The following ZNF475 variants were observed in gnomAD, a reference collection of about 807,000 sequenced individuals.
ZNF475 encodes zinc finger protein 475.
chr5:122,179,772 T>G, the ZNF475 span: 1 of 1,350,144 alleles, frequency 7.4e-7, no homozygotes, highest in Non-Finnish European at 9.7e-7. Flanking sequence ...AAGGGGAGAC[T>G]TTTCTCTCTA....
At chr5:122,162,801 A>G in the ZNF475 span, among the ~76,000 whole-genome samples, 1 of 152,166 alleles carries the variant, frequency 6.6e-6, no homozygotes, top group Non-Finnish European at 1.5e-5. Flanking sequence ...CTGAAAACCT[A>G]TCTGGGAGAA....
At chr5:122,171,287 AT>A in the ZNF475 span, among the ~76,000 whole-genome samples, 1 of 152,192 alleles carries the variant, frequency 6.6e-6, no homozygotes, top group African/African-American at 2.4e-5. Flanking sequence ...TATTATAAAA[AT>A]GATACAAATT....
the ZNF475 span, among the ~76,000 whole-genome samples, chr5:122,168,654 A>G: frequency 3.9e-5 from 6 of 152,336 alleles, no homozygotes; most frequent in African/African-American, 1.4e-4. Context: ...CAGAACTTGC[A>G]GTGAGCCGAG....
the ZNF475 span, among the ~76,000 whole-genome samples, chr5:122,176,767 T>G: frequency 6.6e-6 from 1 of 152,202 alleles, no homozygotes; most frequent in African/African-American, 2.4e-5. Context: ...GTACTATTGA[T>G]CTATGTTCAA....
chr5:122,162,471 C>T, the ZNF475 span: 1 of 152,204 alleles, frequency 6.6e-6, no homozygotes, highest in Non-Finnish European at 1.5e-5. Context: ...TGGGAATGAA[C>T]TATGCATTTA....
At chr5:122,162,908 C>T in the ZNF475 span, 1 of 152,132 alleles carries the variant, frequency 6.6e-6, no homozygotes, top group Non-Finnish European at 1.5e-5. Flanking sequence ...CAATGGCTGA[C>T]TCTGGACTTG....
At chr5:122,173,744 A>G in the ZNF475 span, among the ~76,000 whole-genome samples, 164 of 152,368 alleles carry the variant, frequency 1.1e-3, no homozygotes, top group African/African-American at 3.7e-3. Flanking sequence ...TATCTAGCCT[A>G]AATCAACTTT....
the ZNF475 span, among the ~76,000 whole-genome samples, chr5:122,167,398 T>C: frequency 6.6e-6 from 1 of 152,250 alleles, no homozygotes; most frequent in Non-Finnish European, 1.5e-5. Context: ...GTCTTTTTAT[T>C]TGTTTTCTTT....
chr5:122,161,914 C>T, the ZNF475 span, among the ~76,000 whole-genome samples: 42 of 152,158 alleles, frequency 2.8e-4, no homozygotes, highest in Non-Finnish European at 5.7e-4. Context: ...CCTTCACCTT[C>T]CAACTATGTT....
chr5:122,166,125 T>C, the ZNF475 span, among the ~76,000 whole-genome samples: 920 of 152,240 alleles, frequency 6.0e-3, 10 homozygotes, highest in African/African-American at 0.021. Context: ...AAGAAAATAA[T>C]TGTAGGCTGG....
At chr5:122,174,520 A>G in the ZNF475 span, among the ~76,000 whole-genome samples, 3 of 152,248 alleles carry the variant, frequency 2.0e-5, no homozygotes, top group East Asian at 1.9e-4. Flanking sequence ...TGCAGGTTCA[A>G]CTGAAGTTCA....
the ZNF475 span, among the ~76,000 whole-genome samples, chr5:122,170,800 T>C: frequency 6.6e-6 from 1 of 152,188 alleles, no homozygotes; most frequent in East Asian, 1.9e-4. Flanking sequence ...CCAGCCCGAA[T>C]CTTAAAGCTG....
the ZNF475 span, among the ~76,000 whole-genome samples, chr5:122,165,417 A>T: frequency 7.9e-5 from 12 of 152,338 alleles, no homozygotes; most frequent in East Asian, 1.3e-3. Flanking sequence ...TTCTAGGCCC[A>T]GTTGTGAGAC....
the ZNF475 span, among the ~76,000 whole-genome samples, chr5:122,170,146 TA>T: frequency 3.3e-5 from 5 of 152,242 alleles, no homozygotes; most frequent in African/African-American, 1.2e-4. Flanking sequence ...ATTTTGTATT[TA>T]AAAGGAAAAC....
At chr5:122,176,742 G>A in the ZNF475 span, among the ~76,000 whole-genome samples, 1 of 152,248 alleles carries the variant, frequency 6.6e-6, no homozygotes, top group African/African-American at 2.4e-5. Context: ...TTTGGAGCTT[G>A]GAGGCTTTTT....
chr5:122,165,797 T>A, the ZNF475 span, among the ~76,000 whole-genome samples: 7 of 151,986 alleles, frequency 4.6e-5, no homozygotes, highest in Middle Eastern at 3.2e-3. Flanking sequence ...TTTCTGCATT[T>A]AAAAAAATAT....
chr5:122,170,578 C>A, the ZNF475 span, among the ~76,000 whole-genome samples: 1 of 152,174 alleles, frequency 6.6e-6, no homozygotes, highest in East Asian at 1.9e-4. Flanking sequence ...GGGGTCACCA[C>A]ACTCCCAGCA....
At chr5:122,169,003 A>G in the ZNF475 span, among the ~76,000 whole-genome samples, 7 of 152,180 alleles carry the variant, frequency 4.6e-5, no homozygotes, top group African/African-American at 1.4e-4. Context: ...CACTTAGAAC[A>G]TGTTGCGACC....
the ZNF475 span, among the ~76,000 whole-genome samples, chr5:122,173,424 C>T: frequency 6.6e-6 from 1 of 152,112 alleles, no homozygotes; most frequent in African/African-American, 2.4e-5. Context: ...TCTTTCTCCC[C>T]TGCTTCAATA....
Sources: gnomAD v4.1 joint callset for allele counts (sites outside exome capture counted in the v4.1 genomes callset) on GRCh38, gnomAD v4.1.1 for gene constraint, MANE v1.5 for transcripts, NCBI Gene and HGNC (gene_info 2026-07-23, HGNC 2026-07-21) for gene names.